CBLIF: variants seen among roughly 807,000 people sequenced by gnomAD.
CBLIF encodes the protein gastric intrinsic factor (vitamin B synthesis).
Under a neutral mutation model 44.9 loss-of-function variants are expected in CBLIF, and 24 were observed. The ratio of observed to expected loss-of-function variants is 0.53; its 90% CI spans 0.39 to 0.75. The LOEUF is 0.75. CBLIF is among the 30% of genes least tolerant of loss of function. The pLI, the probability that CBLIF is intolerant of heterozygous loss-of-function variation, is 0.00. For missense variants in CBLIF, 481 were observed against 513.0 expected (o/e 0.94, Z 0.60); for synonymous variants, 183 against 190.9 (o/e 0.96, Z 0.34).
chr11:59,842,536 A>C lies in CBLIF; in HGVS notation c.418T>G (p.Leu140Val), dbSNP rs141917734. Residue 140 changes from leucine (L) to valine (V), a missense_variant, in exon 4 of 9, where the codon TTG becomes GTG. Physicochemically the swap from Leu to Val is conservative, Grantham distance 32. Coordinates refer to ENST00000257248, the MANE Select transcript of CBLIF (RefSeq NM_005142.3). Reference protein sequence around the residue: ...SAFYGPSLAILALCQKNSEAT... With the variant: ...SAFYGPSLAIVALCQKNSEAT... ...TCAGAGTTCTTCTGGCACAGTGCCA[A>C]GATCGCTAGACTGGGCCCATAGAAG... 1 of 1,614,036 alleles carries C rather than the reference A, an allele frequency of 6.2e-7. No homozygotes were observed. The highest frequency in any genetic ancestry group is 2.2e-5 in the East Asian group (1 of 44,868).
intron 8 of CBLIF, among the ~76,000 whole-genome samples, chr11:59,831,221 A>G (rs138584437): frequency 3.9e-5 from 6 of 152,336 alleles, no homozygotes; most frequent in African/African-American, 7.2e-5. Context: ...CAGGGGAAAC[A>G]TGCACCAACA....
chr11:59,834,276 C>CTT (rs1162651849), intron 7 of CBLIF, among the ~76,000 whole-genome samples: 1 of 133,212 alleles, frequency 7.5e-6, no homozygotes. Context: ...TTCTTTCTTT[C>CTT]TTTCTTTCTT....
At chr11:59,836,055 G>T in intron 6 of CBLIF, 46 bp from the exon 7 acceptor site, 1 of 1,468,194 alleles carries the variant, frequency 6.8e-7, no homozygotes, top group South Asian at 1.1e-5. Flanking sequence ...TATGGGGTTT[G>T]TATCATAGGT....
intron 7 of CBLIF, 131 bp from the exon 8 acceptor site, chr11:59,831,927 C>T: frequency 1.5e-6 from 1 of 674,642 alleles, no homozygotes; most frequent in South Asian, 1.6e-5. Flanking sequence ...GACTTTGTTA[C>T]CCAGGCTAGT....
At position 59,842,540 on chromosome 11, in the gene CBLIF, C is replaced by G. The variant is rs1376809666; in HGVS notation, c.414G>C (p.Ala138=). 9.3e-6 allele frequency: 15 copies of G among 1,613,780 alleles called. No homozygotes were observed. Among genetic ancestry groups the G allele is most frequent in the Non-Finnish European group, 1.3e-5 (15 of 1,179,920 alleles). The change falls in exon 4 of 9, where the codon GCG becomes GCC. Residue 138 remains alanine (A), a synonymous_variant. Coordinates refer to ENST00000257248, the MANE Select transcript of CBLIF (RefSeq NM_005142.3). ...EASAFYGPSL[A]ILALCQKNSE... ...AGTTCTTCTGGCACAGTGCCAAGAT[C>G]GCTAGACTGGGCCCATAGAAGGCTG...
chr11:59,838,491 G>A (rs1475167278), intron 5 of CBLIF, among the ~76,000 whole-genome samples: 1 of 152,054 alleles, frequency 6.6e-6, no homozygotes, highest in African/African-American at 2.4e-5. Context: ...ATAGGAAATG[G>A]GAGAAGAGAG....
chr11:59,842,590 AG>A lies in CBLIF; in HGVS notation c.371-8del. 1.2e-6 allele frequency: 2 copies of A among 1,613,568 alleles called. No individual in the cohort carries two copies. The highest frequency in any genetic ancestry group is 1.7e-6 in the Non-Finnish European group (2 of 1,179,528). ...GATGCTTCAGCGTTGGGGCCTCCGA[AG>A]GGGATAGAGAACCTTCATCAGACTC... is the stretch of plus-strand genomic sequence containing the variant. On this transcript the variant is annotated splice_polypyrimidine_tract_variant and splice_region_variant and intron_variant, in intron 3 of 8. Coordinates refer to ENST00000257248, the MANE Select transcript of CBLIF (RefSeq NM_005142.3).
At chr11:59,831,946 C>G (rs1298234962) in intron 7 of CBLIF, 150 bp from the exon 8 acceptor site, 1 of 649,014 alleles carries the variant, frequency 1.5e-6, no homozygotes. Flanking sequence ...GTGGTGAGAT[C>G]CTAGCTTATG....
intron 6 of CBLIF, 68 bp from the exon 7 acceptor site, chr11:59,836,077 G>C: frequency 2.5e-6 from 3 of 1,224,190 alleles, no homozygotes; most frequent in Non-Finnish European, 3.6e-6. Context: ...CAAAATCTCT[G>C]TTATTGGCAA....
chr11:59,833,551 G>A (rs1866402234), intron 7 of CBLIF, among the ~76,000 whole-genome samples: 1 of 151,746 alleles, frequency 6.6e-6, no homozygotes, highest in Admixed American at 6.6e-5. Flanking sequence ...GTTTTGAAGT[G>A]CAATTTTTAT....
chr11:59,845,411 T>C lies in CBLIF; in HGVS notation c.43A>G (p.Thr15Ala). ...ALYLLSLLWA[T>A]AGTSTQTQSS... is the part of the protein sequence containing the mutation. ...TGGGTCTGGGTACTAGTCCCAGCTG[T>C]AGCCCAGAGAAGGCTCAGGAGGTAG... Residue 15 changes from threonine to alanine, a missense_variant, in exon 1 of 9, where the codon ACA (threonine) becomes GCA (alanine). Coordinates refer to ENST00000257248, the MANE Select transcript of CBLIF (RefSeq NM_005142.3). The C allele has an allele frequency of 6.2e-7, 1 of 1,613,020 alleles. No individual in the cohort carries two copies. Among genetic ancestry groups the C allele is most frequent in the Non-Finnish European group, 8.5e-7 (1 of 1,178,998 alleles).
intron 7 of CBLIF, among the ~76,000 whole-genome samples, chr11:59,834,618 C>G (rs1866429616): frequency 6.6e-6 from 1 of 151,868 alleles, no homozygotes; most frequent in Admixed American, 6.6e-5. Flanking sequence ...GTCTCGAACT[C>G]CTACCCTCAA....
At chr11:59,839,327 A>C (rs998764127) in intron 5 of CBLIF, among the ~76,000 whole-genome samples, 1 of 152,256 alleles carries the variant, frequency 6.6e-6, no homozygotes, top group African/African-American at 2.4e-5. Context: ...AAGGTGAACA[A>C]AGGCTGAAAA....
At chr11:59,830,397 T>G (rs901825299) in intron 8 of CBLIF, among the ~76,000 whole-genome samples, 1 of 151,900 alleles carries the variant, frequency 6.6e-6, no homozygotes, top group Admixed American at 6.6e-5. Context: ...CCACCACGCC[T>G]GACTAATTTT....
At chr11:59,833,877 T>C (rs1866407479) in intron 7 of CBLIF, among the ~76,000 whole-genome samples, 1 of 152,186 alleles carries the variant, frequency 6.6e-6, no homozygotes, top group African/African-American at 2.4e-5. Flanking sequence ...AAGTTAATTT[T>C]CTCCTCTGTG....
Position 59,834,283 on chromosome 11 carries a change from T to C in CBLIF, c.1073+1525A>G, listed in dbSNP as rs1489206171. ...TTCTTTCTTTCTTTCTTTCTTTCTTTCTTTCTTTCTTTCTTTCTTTCTTTC... is the reference window on the plus strand; with the variant it reads ...TTCTTTCTTTCTTTCTTTCTTTCTTCCTTTCTTTCTTTCTTTCTTTCTTTC... On this transcript the variant is annotated intron_variant, in intron 7 of 8. Coordinates refer to ENST00000257248, the MANE Select transcript of CBLIF (RefSeq NM_005142.3). 5.8e-5 allele frequency among the ~76,000 whole-genome samples: 8 copies of C among 138,592 alleles called. 1 individual carries two copies. The highest frequency in any genetic ancestry group is 1.6e-4 in the African/African-American group (6 of 36,724). 90.9% of individuals were successfully genotyped at this position (138,592 alleles called of 152,430 possible).
At chr11:59,842,898 A>G in intron 3 of CBLIF, 130 bp downstream of exon 3, 1 of 714,188 alleles carries the variant, frequency 1.4e-6, no homozygotes, top group Non-Finnish European at 2.6e-6. Flanking sequence ...CAGAAGGACC[A>G]GAGTGAAGGA....
intron 7 of CBLIF, among the ~76,000 whole-genome samples, chr11:59,834,157 A>G (rs1300722706): frequency 1.3e-5 from 2 of 151,874 alleles, no homozygotes; most frequent in African/African-American, 4.8e-5. Context: ...TGTCCAATTT[A>G]TTTTTTGCAT....
intron 1 of CBLIF, among the ~76,000 whole-genome samples, chr11:59,844,824 A>C (rs1217105486): frequency 6.6e-6 from 1 of 152,080 alleles, no homozygotes; most frequent in Non-Finnish European, 1.5e-5. Context: ...TTATTCCTGC[A>C]GTAGTACTTC....
Sources: gnomAD v4.1 joint callset for allele counts (sites outside exome capture counted in the v4.1 genomes callset) on GRCh38, gnomAD v4.1.1 for gene constraint, MANE v1.5 for transcripts, NCBI Gene and HGNC (gene_info 2026-07-23, HGNC 2026-07-21) for gene names.